Variants in SUPT6H observed in about 807,000 individuals in gnomAD.
SUPT6H encodes transcription elongation factor SPT6.
Under a neutral mutation model 222.3 loss-of-function variants are expected in SUPT6H, and 11 were observed. That is an observed-to-expected ratio of 0.05 (90% CI 0.03 to 0.08). SUPT6H has a LOEUF of 0.08. SUPT6H is among the 10% of genes least tolerant of loss of function. The pLI is 1.00. For missense variants in SUPT6H, 1,422 were observed against 2,216.0 expected (o/e 0.64, Z 7.19); for synonymous variants, 762 against 801.2 (o/e 0.95, Z 0.83).
At chr17:28,690,794 A>T in intron 26 of SUPT6H, 127 bp from the exon 27 acceptor site, 2 of 1,092,580 alleles carry the variant, frequency 1.8e-6, no homozygotes, top group Non-Finnish European at 2.6e-6. Context: ...AAATAAATAA[A>T]AATCGGGAAG....
intron 19 of SUPT6H, 53 bp from the exon 20 acceptor site, chr17:28,686,286 C>A: frequency 6.5e-7 from 1 of 1,534,792 alleles, no homozygotes; most frequent in South Asian, 1.1e-5. Flanking sequence ...ACAGAATTTC[C>A]TGAAATCTTT....
intron 2 of SUPT6H, chr17:28,673,762 A>G (rs1235583995): frequency 6.1e-6 from 3 of 492,390 alleles, no homozygotes; most frequent in South Asian, 2.6e-5. Context: ...GGGGTGGTTG[A>G]TAATAAATCA....
At chr17:28,678,047 C>A in intron 8 of SUPT6H, 29 bp from the exon 9 acceptor site, 3 of 1,589,174 alleles carry the variant, frequency 1.9e-6, no homozygotes, top group South Asian at 2.2e-5. Flanking sequence ...TAAACATTGT[C>A]TTGCTATTTC....
intron 35 of SUPT6H, 108 bp downstream of exon 35, chr17:28,700,620 T>C: frequency 7.1e-7 from 1 of 1,403,328 alleles, no homozygotes. Context: ...GCCACGGCCT[T>C]GGTAACTGTC....
chr17:28,693,864 AGT>A, intron 28 of SUPT6H, 28 bp downstream of exon 28: 1 of 1,613,954 alleles, frequency 6.2e-7, no homozygotes, highest in Non-Finnish European at 8.5e-7. Flanking sequence ...CTAAGGTCGT[AGT>A]GCAATTTTCA....
rs747620998 is a variant in SUPT6H, at chr17:28,676,438, A to G, written c.897+8A>G. The G allele has an allele frequency of 6.2e-7, 1 of 1,612,586 alleles. No individual in the cohort carries two copies. Among genetic ancestry groups the G allele is most frequent in the South Asian group, 1.1e-5 (1 of 91,052 alleles). Reference sequence around the variant, plus strand: ...CTGCCTGAGAGGTTCCAGGTAAAAAACCACCAGCCTCTGCTCTTCTACCAA... The same window carrying G: ...CTGCCTGAGAGGTTCCAGGTAAAAAGCCACCAGCCTCTGCTCTTCTACCAA... On this transcript the variant is annotated splice_region_variant and intron_variant, in intron 7 of 36. Transcript: ENST00000314616.
chr17:28,698,055 C>G, intron 32 of SUPT6H, 25 bp downstream of exon 32: 1 of 1,598,758 alleles, frequency 6.3e-7, no homozygotes, highest in South Asian at 1.1e-5. Context: ...TGAGAAGGTG[C>G]TGCCACTGGG....
At chr17:28,682,006 A>C in intron 13 of SUPT6H, 26 bp downstream of exon 13, 1 of 1,578,450 alleles carries the variant, frequency 6.3e-7, no homozygotes, top group Admixed American at 1.9e-5. Context: ...TTTGGGATTT[A>C]GGCATTCTAG....
intron 13 of SUPT6H, among the ~76,000 whole-genome samples, chr17:28,682,492 C>T (rs2031166858): frequency 6.6e-6 from 1 of 152,080 alleles, no homozygotes. Flanking sequence ...TGGTGGGACA[C>T]ACCTGTAGTC....
intron 29 of SUPT6H, among the ~76,000 whole-genome samples, chr17:28,696,200 G>A (rs2031903558): frequency 6.6e-6 from 1 of 150,908 alleles, no homozygotes; most frequent in African/African-American, 2.4e-5. Flanking sequence ...CAGCTACTGA[G>A]GCAGGAGAAT....
chr17:28,666,280 T>C (rs2030003929), intron 1 of SUPT6H, among the ~76,000 whole-genome samples: 1 of 152,268 alleles, frequency 6.6e-6, no homozygotes, highest in South Asian at 2.1e-4. Context: ...AACTAAGGCC[T>C]GTGAGCCAAA....
intron 28 of SUPT6H, among the ~76,000 whole-genome samples, chr17:28,694,508 T>C (rs1037132341): frequency 2.6e-5 from 4 of 152,248 alleles, no homozygotes; most frequent in South Asian, 4.1e-4. Context: ...CGAAATTCAC[T>C]GGTTCTGAGT....
chr17:28,683,475 TGGTG>T (rs1245517321), intron 16 of SUPT6H, 53 bp downstream of exon 16: 1 of 1,606,120 alleles, frequency 6.2e-7, no homozygotes, highest in African/African-American at 1.3e-5. Flanking sequence ...ATGAGGAGTC[TGGTG>T]GAGGGAAGGG....
At chr17:28,667,907 TA>T (rs772045157) in intron 1 of SUPT6H, among the ~76,000 whole-genome samples, 129 of 141,942 alleles carry the variant, frequency 9.1e-4, no homozygotes, top group Admixed American at 8.5e-4. Flanking sequence ...AGCTTGACTC[TA>T]AAAAAAAAAA....
chr17:28,693,958 T>A, intron 28 of SUPT6H, 122 bp downstream of exon 28: 2 of 1,317,194 alleles, frequency 1.5e-6, no homozygotes, highest in Non-Finnish European at 2.1e-6. Context: ...TGGTGGGAAG[T>A]GTTTCAGGGA....
At chr17:28,695,293 A>G in intron 28 of SUPT6H, 59 bp from the exon 29 acceptor site, 2 of 1,541,394 alleles carry the variant, frequency 1.3e-6, no homozygotes, top group Non-Finnish European at 1.8e-6. Flanking sequence ...CATGGGTGAA[A>G]TAGGGCATCG....
At chr17:28,673,837 C>A (rs1262293981) in intron 2 of SUPT6H, among the ~76,000 whole-genome samples, 21 of 152,164 alleles carry the variant, frequency 1.4e-4, no homozygotes, top group Non-Finnish European at 1.9e-4. Context: ...TTATTCACCT[C>A]GTTTCCTATT....
chr17:28,693,722 G>C lies in SUPT6H; in HGVS notation c.3660G>C (p.Ser1220=). 1.9e-6 allele frequency: 3 copies of C among 1,614,148 alleles called. No individual in the cohort carries two copies. Among genetic ancestry groups the C allele is most frequent in the Non-Finnish European group, 2.5e-6 (3 of 1,180,026 alleles). The stretch of plus-strand genomic sequence containing the variant: ...TGTGGAACCACTTTGACAGCGGTTC[G>C]TGCCCAGGCCAGGCCATCGGTGTCA... The part of the protein sequence containing the change: ...SEVWNHFDSG[S]CPGQAIGVKT... The change falls in exon 28 of 37, where the codon TCG becomes TCC. Residue 1220 remains serine (S), a synonymous_variant. Transcript: ENST00000314616.
intron 1 of SUPT6H, among the ~76,000 whole-genome samples, chr17:28,664,657 A>C (rs1361862597): frequency 6.6e-6 from 1 of 152,172 alleles, no homozygotes; most frequent in Non-Finnish European, 1.5e-5. Flanking sequence ...CCTCTCCTCT[A>C]TGTTGCAGAA....
Sources: gnomAD v4.1 joint callset for allele counts (sites outside exome capture counted in the v4.1 genomes callset) on GRCh38, gnomAD v4.1.1 for gene constraint, MANE v1.5 for transcripts, NCBI Gene and HGNC (gene_info 2026-07-23, HGNC 2026-07-21) for gene names.